Variants in TARP observed in about 807,000 individuals in gnomAD.
chr7:38,264,226 G>A, the TARP span, among the ~76,000 whole-genome samples: 1 of 151,954 alleles, frequency 6.6e-6, no homozygotes, highest in African/African-American at 2.4e-5. Context: ...AAGAGCATTA[G>A]AAATCTACTG....
At chr7:38,266,207 T>C in the TARP span, among the ~76,000 whole-genome samples, 8 of 151,782 alleles carry the variant, frequency 5.3e-5, no homozygotes, top group Admixed American at 1.3e-4. Context: ...CACATTCTCA[T>C]GTTCTGCAAT....
chr7:38,268,886 A>G, the TARP span, among the ~76,000 whole-genome samples: 18 of 151,368 alleles, frequency 1.2e-4, no homozygotes, highest in East Asian at 2.5e-3. Flanking sequence ...GTCTCTTTAC[A>G]TGTGAATCCA....
At chr7:38,270,049 A>C in the TARP span, among the ~76,000 whole-genome samples, 18 of 151,998 alleles carry the variant, frequency 1.2e-4, no homozygotes, top group Admixed American at 9.2e-4. Context: ...CTGCAGTGAG[A>C]ATTGATCACA....
the TARP span, among the ~76,000 whole-genome samples, chr7:38,268,210 AT>A: frequency 1.3e-4 from 20 of 151,538 alleles, no homozygotes; most frequent in African/African-American, 4.6e-4. Context: ...ATTTAAAATA[AT>A]AAATAAAATT....
chr7:38,269,012 T>C, the TARP span, among the ~76,000 whole-genome samples: 1 of 151,790 alleles, frequency 6.6e-6, no homozygotes, highest in Admixed American at 6.6e-5. Context: ...TCCCATTTTA[T>C]GGATTAGAAA....
chr7:38,260,936 G>A, the TARP span, among the ~76,000 whole-genome samples: 11 of 151,794 alleles, frequency 7.2e-5, no homozygotes, highest in South Asian at 2.1e-4. Context: ...GCTTCTAGTC[G>A]CATTCTTTGT....
the TARP span, among the ~76,000 whole-genome samples, chr7:38,273,170 G>T: frequency 1.4e-5 from 2 of 148,136 alleles, no homozygotes; most frequent in South Asian, 4.3e-4. Context: ...TTTAACATTT[G>T]ATATTAACCA....
chr7:38,273,231 G>C, the TARP span, among the ~76,000 whole-genome samples: 18 of 134,238 alleles, frequency 1.3e-4, no homozygotes, highest in Non-Finnish European at 6.1e-5. Context: ...CAAATAAGGA[G>C]GGTAGCTGAT....
chr7:38,267,315 G>C, the TARP span, among the ~76,000 whole-genome samples: 1 of 151,892 alleles, frequency 6.6e-6, no homozygotes, highest in Non-Finnish European at 1.5e-5. Context: ...CATATCACTT[G>C]AATCTGGAAT....
chr7:38,273,515 G>A, the TARP span: 1 of 1,238,732 alleles, frequency 8.1e-7, no homozygotes, highest in Non-Finnish European at 1.2e-6. Flanking sequence ...GGGAATCCTA[G>A]AATTCTGAGC....
At chr7:38,262,306 CAGG>C in the TARP span, 188 of 969,968 alleles carry the variant, frequency 1.9e-4, no homozygotes, top group Non-Finnish European at 2.8e-4. Flanking sequence ...GACAGAGAGG[CAGG>C]AGGACAGTTA....
chr7:38,265,463 T>A, the TARP span: 3 of 1,611,760 alleles, frequency 1.9e-6, no homozygotes, highest in South Asian at 3.3e-5. Context: ...GTTAACCAGC[T>A]AAATTTCATG....
chr7:38,269,932 T>G, the TARP span, among the ~76,000 whole-genome samples: 15 of 151,964 alleles, frequency 9.9e-5, no homozygotes, highest in East Asian at 2.9e-3. Context: ...AGACCCCATA[T>G]TCACTAAAAA....
chr7:38,260,936 G>C, the TARP span, among the ~76,000 whole-genome samples: 3 of 151,676 alleles, frequency 2.0e-5, no homozygotes, highest in Non-Finnish European at 4.4e-5. Flanking sequence ...GCTTCTAGTC[G>C]CATTCTTTGT....
the TARP span, among the ~76,000 whole-genome samples, chr7:38,264,175 GT>G: frequency 7.2e-5 from 11 of 151,818 alleles, no homozygotes; most frequent in Admixed American, 7.2e-4. Flanking sequence ...TCACTTCCAT[GT>G]TATATTTTTA....
At chr7:38,271,844 A>T in the TARP span, among the ~76,000 whole-genome samples, 1 of 151,232 alleles carries the variant, frequency 6.6e-6, no homozygotes, top group Non-Finnish European at 1.5e-5. Flanking sequence ...TAAGGGCAAA[A>T]AAGGCAATAT....
At chr7:38,261,338 A>G in the TARP span, among the ~76,000 whole-genome samples, 1 of 151,684 alleles carries the variant, frequency 6.6e-6, no homozygotes, top group Admixed American at 6.6e-5. Context: ...TGTGACATGT[A>G]TAGGGATTTT....
the TARP span, among the ~76,000 whole-genome samples, chr7:38,263,562 G>A: frequency 6.6e-6 from 1 of 150,956 alleles, no homozygotes; most frequent in South Asian, 2.1e-4. Context: ...ATTCTTTCTG[G>A]GACTAGAAAG....
At chr7:38,265,845 C>T in the TARP span, among the ~76,000 whole-genome samples, 1 of 151,026 alleles carries the variant, frequency 6.6e-6, no homozygotes, top group African/African-American at 2.4e-5. Flanking sequence ...TATTATTGTG[C>T]TTATTTTACA....
Sources: gnomAD v4.1 joint callset for allele counts (sites outside exome capture counted in the v4.1 genomes callset) on GRCh38, gnomAD v4.1.1 for gene constraint, MANE v1.5 for transcripts.